The following CASS4 variants were observed in gnomAD, a reference collection of about 807,000 sequenced individuals.
The protein encoded by CASS4 is cas scaffolding protein family member 4.
CASS4 carries 22 observed loss-of-function variants against 54.2 expected under a neutral mutation model. That is an observed-to-expected ratio of 0.41 (90% confidence interval 0.29 to 0.58). The LOEUF (loss-of-function observed/expected upper bound fraction) is 0.58, where lower values mean the gene tolerates loss of function less well. Ranked by LOEUF, CASS4 falls within the 20% of genes least tolerant of loss-of-function variation. CASS4 has a pLI of 0.36. For synonymous variants in CASS4, 409 were observed against 391.5 expected, an observed-to-expected ratio of 1.04 and a Z score of -0.53; for missense variants, 854 against 986.7, an observed-to-expected ratio of 0.87 and a Z score of 1.80.
intron 2 of CASS4, among the ~76,000 whole-genome samples, chr20:56,442,130 G>A (rs930189150): frequency 2.6e-5 from 4 of 151,598 alleles, no homozygotes; most frequent in Admixed American, 6.6e-5. Context: ...GGCACTTCAC[G>A]GACTCCTTTC....
At position 56,437,227 on chromosome 20, in the gene CASS4, A is replaced by C. The variant is rs1313312395; in HGVS notation, c.100A>C (p.Arg34=). 1 of 1,609,926 alleles carries C rather than the reference A, an allele frequency of 6.2e-7. No homozygotes were observed. The stretch of plus-strand genomic sequence containing the variant: ...CTGCTCTGACGAGCTGGCTTTCAGC[A>C]GAGGGGACATCCTGACCATTCTGGA... The part of the protein sequence containing the change: ...PDCSDELAFS[R]GDILTILEQH... Residue 34 remains arginine, a synonymous_variant, in exon 2 of 6, where the codon AGA becomes CGA. Coordinates refer to ENST00000679887, the MANE Select transcript of CASS4 (RefSeq NM_020356.4). The surrounding 1 kb of genome is among the most constrained non-coding windows in gnomAD (Gnocchi z 4.7).
intron 1 of CASS4, among the ~76,000 whole-genome samples, chr20:56,434,083 C>CACA (rs1980039654): frequency 6.6e-6 from 1 of 152,140 alleles, no homozygotes; most frequent in Non-Finnish European, 1.5e-5. Context: ...AGAGGTAATG[C>CACA]ACAGGGTAGA....
At chr20:56,415,744 T>G (rs750154860) in intron 1 of CASS4, among the ~76,000 whole-genome samples, 2 of 152,196 alleles carry the variant, frequency 1.3e-5, no homozygotes, top group African/African-American at 4.8e-5. Context: ...AAGTTCGCCT[T>G]TGTACATCGT....
At chr20:56,446,253 A>T (rs1023142558) in intron 3 of CASS4, among the ~76,000 whole-genome samples, 1 of 152,060 alleles carries the variant, frequency 6.6e-6, no homozygotes, top group Non-Finnish European at 1.5e-5. Flanking sequence ...TTTATAATAG[A>T]TTGTTTTTTC....
intron 1 of CASS4, among the ~76,000 whole-genome samples, chr20:56,419,872 A>G (rs1028601831): frequency 4.6e-5 from 7 of 152,198 alleles, no homozygotes; most frequent in African/African-American, 1.4e-4. Flanking sequence ...GAGAAACCCC[A>G]TCTCTACTAA....
At chr20:56,432,382 T>G (rs1015592360) in intron 1 of CASS4, among the ~76,000 whole-genome samples, 176 of 138,982 alleles carry the variant, frequency 1.3e-3, no homozygotes, top group Admixed American at 3.2e-3. Context: ...TTTTTTTTTT[T>G]TGAGAGACAG....
chr20:56,459,016 G>A lies in CASS4; in HGVS notation c.*269G>A, dbSNP rs983763444. The A allele has an allele frequency of 2.8e-5, 11 of 394,660 alleles. No homozygotes were observed. The highest frequency in any genetic ancestry group is 4.0e-5 in the Admixed American group (1 of 25,274). 24.4% of individuals were successfully genotyped at this position (394,660 alleles called of 1,614,324 possible). The stretch of plus-strand genomic sequence containing the variant: ...TGCAGTATCAGCTTGAAGTGACTTC[G>A]CAGAAATAATATTTTATATTGATTA... On this transcript the variant is annotated 3_prime_UTR_variant, in exon 6 of 6. Coordinates refer to ENST00000679887, the MANE Select transcript of CASS4 (RefSeq NM_020356.4).
chr20:56,439,763 G>A (rs779070051), intron 2 of CASS4, among the ~76,000 whole-genome samples: 4 of 152,160 alleles, frequency 2.6e-5, no homozygotes, highest in Admixed American at 6.5e-5. Flanking sequence ...AAAAGAATGC[G>A]CTATTTCCCT....
chr20:56,431,773 T>C (rs1422153367), intron 1 of CASS4, among the ~76,000 whole-genome samples: 1 of 152,242 alleles, frequency 6.6e-6, no homozygotes, highest in Non-Finnish European at 1.5e-5. Flanking sequence ...TCTAAAGATA[T>C]GCACTATCTT....
intron 1 of CASS4, among the ~76,000 whole-genome samples, chr20:56,435,420 TTAG>T (rs1228753660): frequency 6.6e-6 from 1 of 152,252 alleles, no homozygotes; most frequent in Non-Finnish European, 1.5e-5. Context: ...TTGGTATCTT[TTAG>T]TGGTGGGATT....
intron 1 of CASS4, among the ~76,000 whole-genome samples, chr20:56,423,753 C>T (rs1979514088): frequency 2.0e-5 from 3 of 152,226 alleles, no homozygotes; most frequent in Non-Finnish European, 2.9e-5. Context: ...CCATGTTGGC[C>T]AGGCTGGTCT....
In CASS4 at chr20:56,431,388, T is replaced by C. The variant is rs191018185; in HGVS notation, c.37-5776T>C. Among the ~76,000 whole-genome samples the C allele has an allele frequency of 1.4e-4, 22 of 152,316 alleles. 1 individual carries two copies. The highest frequency in any genetic ancestry group is 9.2e-4 in the Admixed American group (14 of 15,298). ...TACTGAAACGCTGAGGCATAATTAA[T>C]TGATTGCATGAGCTGTCCAGAGACA... On this transcript the variant is annotated intron_variant, in intron 1 of 5. Transcript: ENST00000679887.
At chr20:56,451,136 G>A in intron 4 of CASS4, among the ~76,000 whole-genome samples, 1 of 152,126 alleles carries the variant, frequency 6.6e-6, no homozygotes, top group East Asian at 1.9e-4. Flanking sequence ...TTGCACTTGT[G>A]TTCAGGAATA....
In CASS4 at chr20:56,460,301, T is replaced by C. The variant is rs1200679323; in HGVS notation, c.*1554T>C. ...TTGGTTGGTGCAAAAGTAATTGCGGTTTTTGCCGTAGACAGTAATGGCAAA... is the reference window on the plus strand; with the variant it reads ...TTGGTTGGTGCAAAAGTAATTGCGGCTTTTGCCGTAGACAGTAATGGCAAA... On this transcript the variant is annotated 3_prime_UTR_variant, in exon 6 of 6. Coordinates refer to ENST00000679887, the MANE Select transcript of CASS4 (RefSeq NM_020356.4). 2.0e-5 allele frequency: 3 copies of C among 152,166 alleles called. No individual in the cohort carries two copies. Among genetic ancestry groups the C allele is most frequent in the Admixed American group, 2.0e-4 (3 of 15,224 alleles). The allele number at this position is 152,166 out of a possible 1,614,324, so 9.4% of individuals were successfully genotyped here. A position where few individuals can be genotyped will look rare whatever the true frequency, so the allele number is the denominator to read the frequency against.
intron 1 of CASS4, among the ~76,000 whole-genome samples, chr20:56,436,386 A>G (rs1289201470): frequency 1.3e-5 from 2 of 148,802 alleles, no homozygotes; most frequent in African/African-American, 4.9e-5. Context: ...ATATATATAT[A>G]TATAGGATAT....
At chr20:56,441,288 C>T (rs1031875556) in intron 2 of CASS4, among the ~76,000 whole-genome samples, 5 of 151,356 alleles carry the variant, frequency 3.3e-5, no homozygotes, top group African/African-American at 1.2e-4. Context: ...GCTACTGTGC[C>T]CAGCCTATTT....
intron 1 of CASS4, among the ~76,000 whole-genome samples, chr20:56,422,388 T>C (rs1486531154): frequency 6.6e-6 from 1 of 152,248 alleles, no homozygotes; most frequent in African/African-American, 2.4e-5. Flanking sequence ...ACCAGTCACC[T>C]GTTCCCCCGG....
In CASS4 at chr20:56,458,349, C is replaced by T. The variant is rs867626640; in HGVS notation, c.1963C>T (p.Pro655Ser). ...RANICGQNPG[P>S]LIPQPSSQQT... Reference sequence around the variant, plus strand: ...TCCTTCCCTTCTTTAGAATCCTGGCCCTCTTATACCTCAGCCTTCGAGTCA... The same window carrying T: ...TCCTTCCCTTCTTTAGAATCCTGGCTCTCTTATACCTCAGCCTTCGAGTCA... The change falls in exon 6 of 6, where the codon CCT becomes TCT. Residue 655 changes from proline (P) to serine (S), a missense_variant. By Grantham distance (74) the Pro-to-Ser change is moderately conservative. Coordinates refer to ENST00000679887, the MANE Select transcript of CASS4 (RefSeq NM_020356.4). 1 of 1,605,274 alleles carries T rather than the reference C, an allele frequency of 6.2e-7. No homozygotes were observed. Among genetic ancestry groups the T allele is most frequent in the African/African-American group, 1.3e-5 (1 of 74,876 alleles).
chr20:56,427,587 G>A (rs1979705054), intron 1 of CASS4, among the ~76,000 whole-genome samples: 1 of 152,132 alleles, frequency 6.6e-6, no homozygotes, highest in Admixed American at 6.5e-5. Flanking sequence ...CTCTCTCGAT[G>A]TTGAGTCTGG....
Sources: allele counts gnomAD v4.1 joint callset (sites outside exome capture counted in the v4.1 genomes callset), GRCh38; gene constraint gnomAD v4.1.1; non-coding constraint Gnocchi (gnomAD v3.1); transcripts MANE v1.5; gene names NCBI Gene and HGNC (gene_info 2026-07-23, HGNC 2026-07-21).